The following COMMD1 variants were observed in gnomAD, a reference collection of about 807,000 sequenced individuals.
COMMD1 encodes the protein copper metabolism domain containing 1, also known as COMM domain-containing protein 1.
In COMMD1, 10 loss-of-function variants were observed where a neutral mutation model predicts 17.2. That is an observed-to-expected ratio of 0.58 (90% CI 0.36 to 0.99). The LOEUF (loss-of-function observed/expected upper bound fraction) is 0.99, where lower values mean the gene tolerates loss of function less well. Among genes scored for constraint, COMMD1 ranks in the 50% least tolerant of loss-of-function variants. COMMD1 has a pLI of 0.01. For missense variants in COMMD1, 270 were observed against 231.8 expected (o/e 1.17, Z -1.07); for synonymous variants, 97 against 91.6 (o/e 1.06, Z -0.34).
chr2:61,911,669 T>C (rs1317528474), intron 1 of COMMD1, among the ~76,000 whole-genome samples: 1 of 152,194 alleles, frequency 6.6e-6, no homozygotes. Flanking sequence ...TGCAACAGCA[T>C]ATAGTGGCCT....
At chr2:62,079,905 G>T (rs1671471372) in intron 2 of COMMD1, 2 of 152,150 alleles carry the variant, frequency 1.3e-5, no homozygotes, top group Admixed American at 1.3e-4. Flanking sequence ...AAATAAATAG[G>T]GAGAGGTGGA....
intron 2 of COMMD1, among the ~76,000 whole-genome samples, chr2:62,030,274 A>G (rs567481746): frequency 1.3e-5 from 2 of 152,242 alleles, no homozygotes; most frequent in Non-Finnish European, 2.9e-5. Context: ...TTTTGAGGAA[A>G]GGGGTTCTGA....
intron 2 of COMMD1, among the ~76,000 whole-genome samples, chr2:62,084,656 T>C (rs1671610728): frequency 6.6e-6 from 1 of 152,176 alleles, no homozygotes; most frequent in Non-Finnish European, 1.5e-5. Flanking sequence ...GAGGTAAAAA[T>C]ATGTCACCAT....
intron 2 of COMMD1, among the ~76,000 whole-genome samples, chr2:62,109,681 G>A (rs1052046231): frequency 3.3e-5 from 5 of 152,038 alleles, no homozygotes; most frequent in Admixed American, 1.3e-4. Flanking sequence ...AATTTTATAC[G>A]TCTGGGTCTT....
chr2:62,118,002 C>T (rs898900389), intron 2 of COMMD1, among the ~76,000 whole-genome samples: 5 of 151,946 alleles, frequency 3.3e-5, no homozygotes, highest in African/African-American at 7.3e-5. Context: ...TCCTACTCTG[C>T]GTTTTGTAAA....
At chr2:61,971,638 A>G (rs1438944259) in intron 1 of COMMD1, among the ~76,000 whole-genome samples, 4 of 152,096 alleles carry the variant, frequency 2.6e-5, no homozygotes, top group African/African-American at 9.7e-5. Flanking sequence ...TGTCCAGGCT[A>G]GTCTTGAACT....
chr2:62,037,408 T>G (rs1284012626), intron 2 of COMMD1, among the ~76,000 whole-genome samples: 1 of 152,232 alleles, frequency 6.6e-6, no homozygotes, highest in African/African-American at 2.4e-5. Context: ...GTTTTGTAAT[T>G]AGTAAACTCT....
chr2:62,119,496 T>G (rs1380413539), intron 2 of COMMD1, among the ~76,000 whole-genome samples: 1 of 152,122 alleles, frequency 6.6e-6, no homozygotes, highest in Non-Finnish European at 1.5e-5. Flanking sequence ...AATCCAAAAC[T>G]TTTTTTCCCC....
At chr2:62,002,549 C>T (rs951414201) in intron 2 of COMMD1, among the ~76,000 whole-genome samples, 2 of 142,174 alleles carry the variant, frequency 1.4e-5, no homozygotes, top group Admixed American at 1.4e-4. Context: ...AATTTTTGGC[C>T]AGGCGCAGTG....
chr2:62,002,094 T>C (rs1398401867), intron 2 of COMMD1, among the ~76,000 whole-genome samples: 1 of 150,202 alleles, frequency 6.7e-6, no homozygotes, highest in African/African-American at 2.4e-5. Flanking sequence ...CGCTTGAACC[T>C]GGGAGGTGGA....
At chr2:61,930,738 T>G (rs1670445502) in intron 1 of COMMD1, among the ~76,000 whole-genome samples, 1 of 151,786 alleles carries the variant, frequency 6.6e-6, no homozygotes, top group South Asian at 2.1e-4. Flanking sequence ...TTATGTCACC[T>G]GGAATACTAA....
intron 1 of COMMD1, among the ~76,000 whole-genome samples, chr2:61,895,484 G>C (rs541112222): frequency 1.2e-3 from 180 of 152,262 alleles, no homozygotes; most frequent in Admixed American, 2.4e-3. Flanking sequence ...CATCTGCTTA[G>C]GGATCTGGAG....
intron 2 of COMMD1, among the ~76,000 whole-genome samples, chr2:62,039,559 C>T (rs1439597470): frequency 1.3e-5 from 2 of 152,190 alleles, no homozygotes; most frequent in Non-Finnish European, 2.9e-5. Flanking sequence ...GCTCTTGCAT[C>T]ATACCACCAT....
At chr2:61,975,011 A>G (rs907410838) in intron 1 of COMMD1, among the ~76,000 whole-genome samples, 1 of 151,532 alleles carries the variant, frequency 6.6e-6, no homozygotes, top group African/African-American at 2.4e-5. Context: ...ATTGTCATCT[A>G]GGTGGAATCA....
chr2:62,036,054 T>TCTCACACA (rs71410916), intron 2 of COMMD1, among the ~76,000 whole-genome samples: 1 of 143,314 alleles, frequency 7.0e-6, no homozygotes, highest in Non-Finnish European at 1.5e-5. Context: ...ACCCTGTCTC[T>TCTCACACA]CACACACACA....
intron 2 of COMMD1, among the ~76,000 whole-genome samples, chr2:62,034,302 G>C (rs1445427420): frequency 6.6e-6 from 1 of 151,804 alleles, no homozygotes; most frequent in Non-Finnish European, 1.5e-5. Context: ...AGACGTTCGA[G>C]ATCAGCCTGG....
chr2:62,088,323 T>C (rs1671726098), intron 2 of COMMD1, among the ~76,000 whole-genome samples: 2 of 152,182 alleles, frequency 1.3e-5, no homozygotes, highest in Non-Finnish European at 2.9e-5. Flanking sequence ...TGTCTTTAGC[T>C]CTCCCTTTTT....
chr2:62,112,746 G>A (rs781317210), intron 2 of COMMD1, among the ~76,000 whole-genome samples: 14 of 152,142 alleles, frequency 9.2e-5, no homozygotes, highest in Non-Finnish European at 1.8e-4. Flanking sequence ...AGGTCACACA[G>A]CTAATAGTAG....
At chr2:62,019,055 T>C (rs1282322862) in intron 2 of COMMD1, among the ~76,000 whole-genome samples, 89 of 79,774 alleles carry the variant, frequency 1.1e-3, no homozygotes, top group African/African-American at 5.8e-3. Flanking sequence ...CCTTCCTTCC[T>C]TTCTTTCTCT....
Sources: gnomAD v4.1 joint callset for allele counts (sites outside exome capture counted in the v4.1 genomes callset) on GRCh38, gnomAD v4.1.1 for gene constraint, MANE v1.5 for transcripts, NCBI Gene and HGNC (gene_info 2026-07-23, HGNC 2026-07-21) for gene names.